The following COL27A1 variants were observed in gnomAD, a reference collection of about 807,000 sequenced individuals.
COL27A1 encodes collagen alpha-1(XXVII) chain.
In COL27A1, 106 loss-of-function variants were observed where a neutral mutation model predicts 251.3. The observed-to-expected ratio is 0.42, with a 90% CI of 0.36 to 0.50. The LOEUF is 0.50. COL27A1 is among the 20% of genes least tolerant of loss of function. The probability of loss-of-function intolerance (pLI) is 0.00; values close to 1 mark genes in which losing one functional copy is unlikely to be tolerated. For synonymous variants in COL27A1, 1,000 were observed against 986.3 expected (o/e 1.01, Z -0.26); for missense variants, 2,325 against 2,522.8 (o/e 0.92, Z 1.68).
intron 48 of COL27A1, 75 bp from the exon 49 acceptor site, chr9:114,292,028 C>T: frequency 7.7e-7 from 1 of 1,304,286 alleles, no homozygotes; most frequent in Non-Finnish European, 1.1e-6. Flanking sequence ...CTGGCTCTCC[C>T]AGGCCCCCTC....
intron 28 of COL27A1, among the ~76,000 whole-genome samples, chr9:114,263,558 G>C (rs1588812779): frequency 1.3e-5 from 2 of 152,188 alleles, no homozygotes; most frequent in South Asian, 4.1e-4. Flanking sequence ...GGGGCAGTGG[G>C]TGGAGCCCAC....
rs1829428588 is a variant in COL27A1, at chr9:114,311,312, TTGTCTCTCA to T, written c.*618_*626del. On this transcript the variant is annotated 3_prime_UTR_variant, in exon 61 of 61. Coordinates refer to ENST00000356083, the MANE Select transcript of COL27A1 (RefSeq NM_032888.4). ...ACTGTGAAATCGCTGGTGCTCACAA[TTGTCTCTCA>T]CAGTGTATGTGATTTTTTTAAGGAA... 2.7e-5 allele frequency: 4 copies of T among 150,528 alleles called. No individual in the cohort carries two copies. Among genetic ancestry groups the T allele is most frequent in the African/African-American group, 9.8e-5 (4 of 40,734 alleles). 9.3% of individuals were successfully genotyped at this position (150,528 alleles called of 1,614,324 possible).
intron 12 of COL27A1, among the ~76,000 whole-genome samples, chr9:114,215,370 T>C (rs1830651040): frequency 6.6e-6 from 1 of 152,228 alleles, no homozygotes; most frequent in Admixed American, 6.5e-5. Flanking sequence ...GCTGAGGTGA[T>C]GCTGTGAGCT....
rs190060044 is a variant in COL27A1, at chr9:114,262,477, C to T, written c.3196-1878C>T. 2.1e-3 allele frequency among the ~76,000 whole-genome samples: 327 copies of T among 152,358 alleles called. 3 individuals are homozygous for T. The highest frequency in any genetic ancestry group is 1.2e-3 in the Non-Finnish European group (84 of 68,026). On this transcript the variant is annotated intron_variant, in intron 28 of 60. Transcript: ENST00000356083. ...GACTGAGCCCAGATTCCCCAAGCCA[C>T]TCCTGTGTCCCTGCCTCTGGGGAGG...
At chr9:114,252,791 C>CT in intron 26 of COL27A1, 88 bp from the exon 27 acceptor site, 1 of 1,459,914 alleles carries the variant, frequency 6.8e-7, no homozygotes, top group Non-Finnish European at 9.6e-7. Flanking sequence ...GTCCTCCTGG[C>CT]TTTGCACTGG....
intron 36 of COL27A1, chr9:114,272,670 A>G (rs1385825797): frequency 6.6e-6 from 1 of 152,248 alleles, no homozygotes; most frequent in Non-Finnish European, 1.5e-5. Flanking sequence ...CAGCATTCAC[A>G]TGCCAGACAC....
rs779434593 is a variant in COL27A1, at chr9:114,169,180, C to T, written c.1625C>T (p.Ser542Leu). 9.9e-6 allele frequency: 16 copies of T among 1,614,088 alleles called. No individual in the cohort carries two copies. The highest frequency in any genetic ancestry group is 1.3e-5 in the Non-Finnish European group (15 of 1,180,022). ...GSKKPIGSEA[S>L]KKAGPKSSPR... Reference sequence around the variant, plus strand: ...AAGAAGCCCATTGGATCGGAAGCCTCAAAGAAAGCCGGACCCAAGAGCAGC... The same window carrying T: ...AAGAAGCCCATTGGATCGGAAGCCTTAAAGAAAGCCGGACCCAAGAGCAGC... Residue 542 changes from serine to leucine, a missense_variant, in exon 3 of 61, where the codon TCA (serine) becomes TTA (leucine). Transcript: ENST00000356083.
intron 28 of COL27A1, among the ~76,000 whole-genome samples, chr9:114,260,338 T>C (rs1032961464): frequency 6.6e-6 from 1 of 152,138 alleles, no homozygotes; most frequent in Non-Finnish European, 1.5e-5. Context: ...GCACAACCTA[T>C]GAGATCGGCC....
At chr9:114,234,797 G>A (rs1768976317) in intron 16 of COL27A1, among the ~76,000 whole-genome samples, 1 of 151,956 alleles carries the variant, frequency 6.6e-6, no homozygotes, top group African/African-American at 2.4e-5. Flanking sequence ...AAGTAGACCG[G>A]CCAGGCACAG....
At position 114,282,365 on chromosome 9, in the gene COL27A1, C is replaced by T. The variant is rs765775441; in HGVS notation, c.3771+35C>T. 5 of 1,612,732 alleles carry T rather than the reference C, an allele frequency of 3.1e-6. No homozygotes were observed. In the East Asian group the frequency reaches 8.9e-5, roughly 29 times the overall value. On this transcript the variant is annotated intron_variant, in intron 38 of 60. Coordinates refer to ENST00000356083, the MANE Select transcript of COL27A1 (RefSeq NM_032888.4). ...CCCTTCTGACTTGATAGGCCTGCGT[C>T]CCTCCCCCGCATCCCTTCCCCACAT...
chr9:114,278,331 ATGGTGGTGCTGGTGC>A (rs995401139), intron 37 of COL27A1, among the ~76,000 whole-genome samples: 3 of 35,382 alleles, frequency 8.5e-5, no homozygotes, highest in Non-Finnish European at 1.7e-4. Context: ...TGAGGTGGTG[ATGGTGGTGCTGGTGC>A]TGGTGGCGAT....
intron 22 of COL27A1, 148 bp downstream of exon 22, chr9:114,242,379 G>A: frequency 1.7e-6 from 1 of 575,378 alleles, no homozygotes; most frequent in South Asian, 3.2e-5. Context: ...AGACCCCAAA[G>A]GAGAGAGACA....
rs1238552847 is a variant in COL27A1 at position 114,306,646 on chromosome 9, G to A, written c.5065G>A (p.Val1689Ile). Reference sequence around the variant, plus strand: ...GGGCACCAAAGAGAACCCCGCCCGGGTCTGCAGGGACCTCATGGACTGTGA... The same window carrying A: ...GGGCACCAAAGAGAACCCCGCCCGGATCTGCAGGGACCTCATGGACTGTGA... Reference protein sequence around the residue: ...PLGTKENPARVCRDLMDCEQK... With the variant: ...PLGTKENPARICRDLMDCEQK... The change falls in exon 58 of 61, where the codon GTC becomes ATC. Residue 1689 changes from valine to isoleucine, a missense_variant. This residue lies in a region of COL27A1 where 327 missense variants were observed against 442.8 expected (regional missense o/e 0.74). Transcript: ENST00000356083. 2 of 1,614,082 alleles carry A rather than the reference G, an allele frequency of 1.2e-6. No individual in the cohort carries two copies. Among genetic ancestry groups the A allele is most frequent in the African/African-American group, 1.3e-5 (1 of 74,938 alleles).
chr9:114,245,465 G>T, intron 23 of COL27A1, among the ~76,000 whole-genome samples: 1 of 152,148 alleles, frequency 6.6e-6, no homozygotes, highest in East Asian at 1.9e-4. Flanking sequence ...CCCAGAATGT[G>T]CATTTCAACC....
intron 37 of COL27A1, among the ~76,000 whole-genome samples, chr9:114,280,865 A>G (rs530427306): frequency 1.3e-5 from 2 of 152,206 alleles, no homozygotes; most frequent in Admixed American, 6.5e-5. Context: ...CCTTGTGCTG[A>G]ATCAAAGCCA....
chr9:114,245,162 T>TC (rs2135497988), intron 23 of COL27A1, among the ~76,000 whole-genome samples: 1 of 143,570 alleles, frequency 7.0e-6, no homozygotes, highest in East Asian at 2.0e-4. Context: ...TTTTTTTTTT[T>TC]TTTTTTTTTT....
chr9:114,290,219 C>G lies in COL27A1; in HGVS notation c.4261-5C>G. 1 of 1,574,860 alleles carries G rather than the reference C, an allele frequency of 6.3e-7. No individual in the cohort carries two copies. The highest frequency in any genetic ancestry group is 8.6e-7 in the Non-Finnish European group (1 of 1,159,796). ...GCCCTCACCAGCTTTTTATGTACCC[C>G]CCAGGGCCTGCAGGGGCTGCCAGGG... On this transcript the variant is annotated splice_polypyrimidine_tract_variant and splice_region_variant and intron_variant, in intron 46 of 60. Coordinates refer to ENST00000356083, the MANE Select transcript of COL27A1 (RefSeq NM_032888.4). The surrounding 1 kb of genome is among the most constrained non-coding windows in gnomAD (Gnocchi z 4.6).
intron 60 of COL27A1, among the ~76,000 whole-genome samples, chr9:114,309,832 C>G (rs1588911823): frequency 6.6e-6 from 1 of 152,088 alleles, no homozygotes; most frequent in Non-Finnish European, 1.5e-5. Context: ...TTTCAAATGT[C>G]CTGAACAGGG....
Position 114,266,551 on chromosome 9 carries a change from T to G in COL27A1, c.3394-14T>G. On this transcript the variant is annotated splice_polypyrimidine_tract_variant and intron_variant, in intron 32 of 60. Transcript: ENST00000356083. ...GACCTCTCCCAACTGTCTGTGTGTC[T>G]GTCTGTCTTCCAGGGCCCTCAGGGA... 1 of 1,612,802 alleles carries G rather than the reference T, an allele frequency of 6.2e-7. No individual in the cohort carries two copies. Among genetic ancestry groups the G allele is most frequent in the Non-Finnish European group, 8.5e-7 (1 of 1,178,976 alleles).
Sources: allele counts gnomAD v4.1 joint callset (sites outside exome capture counted in the v4.1 genomes callset), GRCh38; gene constraint gnomAD v4.1.1; regional missense constraint gnomAD v4.1.1; non-coding constraint Gnocchi (gnomAD v3.1); transcripts MANE v1.5; gene names NCBI Gene and HGNC (gene_info 2026-07-23, HGNC 2026-07-21).